The following NCBP1 variants were observed in gnomAD, a reference collection of about 807,000 sequenced individuals.
NCBP1 encodes nuclear cap binding protein subunit 1.
NCBP1 carries 16 observed loss-of-function variants against 111.7 expected under a neutral mutation model. That is an observed-to-expected ratio of 0.14 (90% CI 0.10 to 0.22). The LOEUF (loss-of-function observed/expected upper bound fraction) is 0.22. Ranked by LOEUF, NCBP1 falls within the 10% of genes least tolerant of loss-of-function variation. NCBP1 has a pLI of 1.00. For missense variants in NCBP1, 607 were observed against 957.5 expected, an observed-to-expected ratio of 0.63 and a Z score of 4.83; for synonymous variants, 304 against 314.3, an observed-to-expected ratio of 0.97 and a Z score of 0.35.
In NCBP1 at chr9:97,651,351, C is replaced by T; in HGVS notation, c.1037C>T (p.Pro346Leu). 1 of 1,613,302 alleles carries T rather than the reference C, an allele frequency of 6.2e-7. No individual in the cohort carries two copies. The highest frequency in any genetic ancestry group is 8.5e-7 in the Non-Finnish European group (1 of 1,179,632). The part of the protein sequence containing the change: ...LVSYPGKNKI[P>L]LNYHIVEVIF... ...AGCTATCCAGGGAAGAACAAGATCC[C>T]CTTGAACTACCACATAGTTGAGGTA... The change falls in exon 10 of 23, where the codon CCC (proline) becomes CTC (leucine). Residue 346 changes from proline (P) to leucine (L), a missense_variant. By Grantham distance (98) the Pro-to-Leu change is moderately conservative (BLOSUM62 -3). Transcript: ENST00000375147.
intron 1 of NCBP1, among the ~76,000 whole-genome samples, 169 bp from the exon 2 acceptor site, chr9:97,640,625 G>C (rs533611947): frequency 6.6e-6 from 1 of 152,094 alleles, no homozygotes; most frequent in East Asian, 1.9e-4. Context: ...GGGAATGGGA[G>C]GCTGTTGGTT....
At chr9:97,653,980 G>A (rs1827568893) in intron 11 of NCBP1, 72 bp downstream of exon 11, 2 of 1,358,218 alleles carry the variant, frequency 1.5e-6, no homozygotes, top group Admixed American at 2.2e-5. Context: ...ATTTCTGCTT[G>A]TGGGTTTAAA....
intron 15 of NCBP1, among the ~76,000 whole-genome samples, chr9:97,660,721 T>C (rs1315004374): frequency 6.6e-6 from 1 of 152,208 alleles, no homozygotes; most frequent in East Asian, 1.9e-4. Flanking sequence ...CCTTAATGAA[T>C]TGTTGAAATG....
In NCBP1 at chr9:97,648,442, A is replaced by C. The variant is rs555597492; in HGVS notation, c.897+219A>C. Among the ~76,000 whole-genome samples, 594 of 152,346 alleles carry C rather than the reference A, an allele frequency of 3.9e-3. 1 individual carries two copies. Among genetic ancestry groups the C allele is most frequent in the Non-Finnish European group, 6.8e-3 (464 of 68,036 alleles). On this transcript the variant is annotated intron_variant, in intron 8 of 22. Coordinates refer to ENST00000375147, the MANE Select transcript of NCBP1 (RefSeq NM_002486.5). ...GTGTAAATAGATTACAGAGACGTGC[A>C]CAGTTTGCAGGCTAAGAGTGTGGGT...
chr9:97,658,567 C>G (rs753771882), intron 14 of NCBP1, 73 bp from the exon 15 acceptor site: 1 of 1,128,100 alleles, frequency 8.9e-7, no homozygotes, highest in South Asian at 1.3e-5. Context: ...TCATGACTTT[C>G]CAGGTAAGTC....
intron 3 of NCBP1, among the ~76,000 whole-genome samples, chr9:97,642,324 T>G (rs897010652): frequency 3.9e-5 from 6 of 152,110 alleles, no homozygotes; most frequent in African/African-American, 1.4e-4. Flanking sequence ...GCAGTGTTCT[T>G]TTTTAATTTT....
At chr9:97,657,926 ATTTTTTTT>A (rs57402675) in intron 14 of NCBP1, among the ~76,000 whole-genome samples, 21 of 91,400 alleles carry the variant, frequency 2.3e-4, no homozygotes, top group African/African-American at 8.4e-4. Flanking sequence ...ATATATATAT[ATTTTTTTT>A]TTTTTTTTTA....
intron 11 of NCBP1, among the ~76,000 whole-genome samples, chr9:97,654,171 C>T (rs1827576429): frequency 6.6e-6 from 1 of 152,136 alleles, no homozygotes; most frequent in South Asian, 2.1e-4. Context: ...CTTTTCCTCT[C>T]ACAATAGATT....
In NCBP1 at chr9:97,647,117, T is replaced by TCAGTGAATA. The variant is rs1271377787; in HGVS notation, c.612-374_612-366dup. Among the ~76,000 whole-genome samples, 4 of 152,318 alleles carry TCAGTGAATA rather than the reference T, an allele frequency of 2.6e-5. No homozygotes were observed. The East Asian group carries it at 7.7e-4, about 29-fold the overall frequency. On this transcript the variant is annotated intron_variant, in intron 6 of 22. Transcript: ENST00000375147. ...ATCTTTTGCTCTTATAAACAATGTT[T>TCAGTGAATA]CAGTGAATATCTTTGTGTATATGTT... is the stretch of plus-strand genomic sequence containing the variant.
In NCBP1 at chr9:97,653,926, TTTAAAC is replaced by T; in HGVS notation, c.1170+23_1170+28del. The T allele has an allele frequency of 6.3e-7, 1 of 1,576,242 alleles. No homozygotes were observed. Among genetic ancestry groups the T allele is most frequent in the East Asian group, 2.2e-5 (1 of 44,624 alleles). ...CCCAAGTTGTATCCTTTTCTTTATT[TTTAAAC>T]TTAATCTCTTTGGCCTGGTCTTAAA... On this transcript the variant is annotated intron_variant, in intron 11 of 22. Transcript: ENST00000375147.
At chr9:97,634,691 C>T (rs1826947995) in intron 1 of NCBP1, 1 of 152,192 alleles carries the variant, frequency 6.6e-6, no homozygotes, top group African/African-American at 2.4e-5. Flanking sequence ...TACAATCGGT[C>T]AAAAACACAA....
intron 8 of NCBP1, 124 bp downstream of exon 8, chr9:97,648,347 T>A: frequency 1.2e-6 from 1 of 803,402 alleles, no homozygotes; most frequent in Non-Finnish European, 2.0e-6. Context: ...AGAAGGTCAG[T>A]AGCAATGAAG....
At chr9:97,637,137 T>C (rs1587993384) in intron 1 of NCBP1, among the ~76,000 whole-genome samples, 1 of 152,118 alleles carries the variant, frequency 6.6e-6, no homozygotes, top group South Asian at 2.1e-4. Context: ...TTGCATCTTA[T>C]AGGGAGATTA....
intron 6 of NCBP1, 136 bp from the exon 7 acceptor site, chr9:97,647,356 A>G: frequency 1.6e-6 from 1 of 629,492 alleles, no homozygotes; most frequent in Non-Finnish European, 2.8e-6. Flanking sequence ...GTACATTATC[A>G]AAACAGTTGA....
intron 18 of NCBP1, among the ~76,000 whole-genome samples, chr9:97,663,321 C>T (rs1827893452): frequency 6.6e-6 from 1 of 152,150 alleles, no homozygotes; most frequent in Non-Finnish European, 1.5e-5. Flanking sequence ...TTTCTAAATG[C>T]AAGCTCCAGA....
chr9:97,636,275 T>G (rs993015188), intron 1 of NCBP1, among the ~76,000 whole-genome samples: 15 of 152,014 alleles, frequency 9.9e-5, no homozygotes, highest in Admixed American at 7.9e-4. Flanking sequence ...TTTTAAAAAA[T>G]AAATCTTAGA....
At chr9:97,635,618 C>T (rs960358052) in intron 1 of NCBP1, among the ~76,000 whole-genome samples, 1 of 151,654 alleles carries the variant, frequency 6.6e-6, no homozygotes, top group African/African-American at 2.4e-5. Context: ...GACGGGGTTT[C>T]GCCACGTTGC....
At position 97,671,780 on chromosome 9, in the gene NCBP1, T is replaced by G. The variant is rs1474490304; in HGVS notation, c.*581T>G. On this transcript the variant is annotated 3_prime_UTR_variant, in exon 23 of 23. Transcript: ENST00000375147. ...TTGTTAGTAATAAAAGTGTTACTAG[T>G]TGGAAGAGTAGCTCTCAAATTTGTC... 1 of 152,216 alleles carries G rather than the reference T, an allele frequency of 6.6e-6. No individual in the cohort carries two copies. Among genetic ancestry groups the G allele is most frequent in the South Asian group, 2.1e-4 (1 of 4,836 alleles). 9.4% of individuals were successfully genotyped at this position (152,216 alleles called of 1,614,324 possible).
chr9:97,641,538 T>G, intron 2 of NCBP1, 24 bp from the exon 3 acceptor site: 1 of 1,543,632 alleles, frequency 6.5e-7, no homozygotes, highest in Non-Finnish European at 8.8e-7. Context: ...ACTTGACAGA[T>G]ATTTAATGTG....
Sources: gnomAD v4.1 joint callset for allele counts (sites outside exome capture counted in the v4.1 genomes callset) on GRCh38, gnomAD v4.1.1 for gene constraint, MANE v1.5 for transcripts, NCBI Gene and HGNC (gene_info 2026-07-23, HGNC 2026-07-21) for gene names.